Variants in MGLL observed in about 807,000 individuals in gnomAD.
The protein encoded by MGLL is lysophospholipase homolog.
MGLL carries 7 observed loss-of-function variants against 29.1 expected under a neutral mutation model. The ratio of observed to expected loss-of-function variants is 0.24; its 90% CI spans 0.14 to 0.45. MGLL has a LOEUF of 0.45. MGLL is among the 20% of genes least tolerant of loss of function. The pLI, the probability that MGLL is intolerant of heterozygous loss-of-function variation, is 0.99. For synonymous variants in MGLL, 148 were observed against 168.3 expected, an observed-to-expected ratio of 0.88 and a Z score of 0.93; for missense variants, 356 against 413.6, an observed-to-expected ratio of 0.86 and a Z score of 1.21.
At chr3:127,725,557 G>C (rs1003314083) in intron 3 of MGLL, among the ~76,000 whole-genome samples, 2 of 151,898 alleles carry the variant, frequency 1.3e-5, no homozygotes, top group African/African-American at 4.8e-5. Context: ...CTCTGTGTAG[G>C]GCTTCGTTCA....
At chr3:127,814,301 C>T (rs1227344349) in intron 2 of MGLL, among the ~76,000 whole-genome samples, 2 of 152,008 alleles carry the variant, frequency 1.3e-5, no homozygotes, top group African/African-American at 2.4e-5. Context: ...ACAATGTCAC[C>T]CCGTTTCACT....
chr3:127,757,662 A>G (rs967933264), intron 3 of MGLL, among the ~76,000 whole-genome samples: 3 of 152,214 alleles, frequency 2.0e-5, no homozygotes, highest in African/African-American at 4.8e-5. Context: ...TCCCTAAAAG[A>G]AAAAGCACCC....
At chr3:127,730,593 A>G (rs922989888) in intron 3 of MGLL, among the ~76,000 whole-genome samples, 1 of 152,018 alleles carries the variant, frequency 6.6e-6, no homozygotes, top group African/African-American at 2.4e-5. Context: ...GAGGTGAGTC[A>G]TGGAGAGCTT....
At chr3:127,768,798 C>A (rs953698485) in intron 3 of MGLL, among the ~76,000 whole-genome samples, 3 of 152,206 alleles carry the variant, frequency 2.0e-5, no homozygotes, top group Non-Finnish European at 4.4e-5. Flanking sequence ...ATGTGTCTAC[C>A]CCTGGGCAGT....
chr3:127,691,828 C>T lies in MGLL; in HGVS notation c.*370G>A, dbSNP rs539850893. Reference sequence around the variant, plus strand: ...GAGCGAAGGGTGGGCAGGAAGGAGGCGCCTCCAGTTATTGCAGTCTGGTGT... The same window carrying T: ...GAGCGAAGGGTGGGCAGGAAGGAGGTGCCTCCAGTTATTGCAGTCTGGTGT... On this transcript the variant is annotated 3_prime_UTR_variant, in exon 8 of 8. Transcript: ENST00000265052. The T allele has an allele frequency of 4.1e-5, 12 of 289,494 alleles. No homozygotes were observed. The highest frequency in any genetic ancestry group is 2.5e-4 in the African/African-American group (11 of 44,224). 17.9% of individuals were successfully genotyped at this position (289,494 alleles called of 1,614,324 possible).
At chr3:127,746,701 G>T (rs1299510226) in intron 3 of MGLL, among the ~76,000 whole-genome samples, 10 of 152,112 alleles carry the variant, frequency 6.6e-5, no homozygotes, top group Admixed American at 2.0e-4. Flanking sequence ...TCCCTCCAGA[G>T]GCATGCACGC....
At chr3:127,707,914 GCTT>G (rs1383098811) in intron 6 of MGLL, among the ~76,000 whole-genome samples, 1 of 152,202 alleles carries the variant, frequency 6.6e-6, no homozygotes, top group African/African-American at 2.4e-5. Context: ...CAAACATTCT[GCTT>G]CTGACATTCT....
rs553965910 is a variant in MGLL at position 127,811,210 on chromosome 3, G to A, written c.155+10484C>T. 1.5e-3 allele frequency among the ~76,000 whole-genome samples: 200 copies of A among 136,370 alleles called. 1 individual carries two copies. The highest frequency in any genetic ancestry group is 3.7e-3 in the Middle Eastern group (1 of 270). The allele number at this position is 136,370 out of a possible 152,430, so 89.5% of individuals were successfully genotyped here. A position where few individuals can be genotyped will look rare whatever the true frequency, so the allele number is the denominator to read the frequency against. ...TCAGTCATCCCACTGTAAATATGAGGAACTTGAATCATCCATGCAACAAAC... is the reference window on the plus strand; with the variant it reads ...TCAGTCATCCCACTGTAAATATGAGAAACTTGAATCATCCATGCAACAAAC... On this transcript the variant is annotated intron_variant, in intron 2 of 7. Transcript: ENST00000265052.
intron 2 of MGLL, among the ~76,000 whole-genome samples, chr3:127,795,016 AT>A (rs1419246601): frequency 1.3e-5 from 2 of 152,236 alleles, no homozygotes; most frequent in African/African-American, 2.4e-5. Flanking sequence ...CAGCAATCCC[AT>A]TACTGGGTAT....
At chr3:127,733,664 A>G (rs1401655368) in intron 3 of MGLL, among the ~76,000 whole-genome samples, 1 of 152,190 alleles carries the variant, frequency 6.6e-6, no homozygotes, top group Non-Finnish European at 1.5e-5. Flanking sequence ...AGTTTTAGGC[A>G]CAAGAGGGAT....
intron 6 of MGLL, among the ~76,000 whole-genome samples, chr3:127,707,522 T>C (rs147048785): frequency 1.3e-5 from 2 of 152,366 alleles, no homozygotes; most frequent in Non-Finnish European, 2.9e-5. Context: ...ACAAACATAA[T>C]AAATGTCTGT....
chr3:127,729,944 C>T (rs112139978), intron 3 of MGLL, among the ~76,000 whole-genome samples: 1 of 152,316 alleles, frequency 6.6e-6, no homozygotes, highest in African/African-American at 2.4e-5. Context: ...AGCTACAGAT[C>T]CATCCTGCCA....
At chr3:127,736,914 A>G (rs1381817429) in intron 3 of MGLL, among the ~76,000 whole-genome samples, 4 of 152,090 alleles carry the variant, frequency 2.6e-5, no homozygotes, top group African/African-American at 7.2e-5. Flanking sequence ...AGGCTGGTCT[A>G]GAACTCCTGA....
chr3:127,695,551 C>A (rs2075343734), intron 6 of MGLL, among the ~76,000 whole-genome samples: 1 of 152,118 alleles, frequency 6.6e-6, no homozygotes, highest in African/African-American at 2.4e-5. Flanking sequence ...ATGGTGAAAC[C>A]ACGTCTGTAT....
At chr3:127,749,693 C>A (rs1226668967) in intron 3 of MGLL, among the ~76,000 whole-genome samples, 1 of 152,164 alleles carries the variant, frequency 6.6e-6, no homozygotes, top group East Asian at 1.9e-4. Flanking sequence ...CAGTACAGAT[C>A]TTTGTCATGG....
intron 2 of MGLL, among the ~76,000 whole-genome samples, chr3:127,808,039 C>G (rs1305385642): frequency 2.6e-5 from 4 of 152,078 alleles, no homozygotes; most frequent in Non-Finnish European, 5.9e-5. Flanking sequence ...AGATTACAGG[C>G]GTGAGCCACC....
At chr3:127,810,687 G>A (rs9877819) in intron 2 of MGLL, among the ~76,000 whole-genome samples, 22,832 of 152,188 alleles carry the variant, frequency 0.15, 1,853 homozygotes, top group Middle Eastern at 0.21. Flanking sequence ...TGGCATACAC[G>A]AGGTGTTCAG....
intron 2 of MGLL, among the ~76,000 whole-genome samples, chr3:127,786,244 A>C (rs1295528201): frequency 6.6e-6 from 1 of 152,248 alleles, no homozygotes; most frequent in East Asian, 1.9e-4. Flanking sequence ...GACCACGTTC[A>C]TCAAGGGGCC....
intron 5 of MGLL, among the ~76,000 whole-genome samples, chr3:127,717,989 G>A (rs914237185): frequency 9.9e-5 from 15 of 152,202 alleles, no homozygotes; most frequent in African/African-American, 1.7e-4. Context: ...ACCACTTTGC[G>A]AAACCACTTT....
Sources: allele counts gnomAD v4.1 joint callset (sites outside exome capture counted in the v4.1 genomes callset), GRCh38; gene constraint gnomAD v4.1.1; transcripts MANE v1.5; gene names NCBI Gene and HGNC (gene_info 2026-07-23, HGNC 2026-07-21).